RASGRF1: variants seen among roughly 807,000 people sequenced by gnomAD.
RASGRF1 encodes the protein ras-specific guanine nucleotide-releasing factor 1.
A neutral mutation model predicts 138.7 loss-of-function variants in RASGRF1; 40 were observed. The observed-to-expected ratio is 0.29, with a 90% CI of 0.22 to 0.38. The LOEUF is 0.38. RASGRF1 is among the 10% of genes least tolerant of loss of function. The pLI, the probability that RASGRF1 is intolerant of heterozygous loss-of-function variation, is 1.00. For missense variants in RASGRF1, 1,108 were observed against 1,650.4 expected (o/e 0.67, Z 5.69); for synonymous variants, 614 against 663.2 (o/e 0.93, Z 1.14).
intron 3 of RASGRF1, among the ~76,000 whole-genome samples, chr15:79,052,146 C>T (rs931553941): frequency 1.3e-5 from 2 of 152,164 alleles, no homozygotes; most frequent in African/African-American, 4.8e-5. Flanking sequence ...CCTGCCCACC[C>T]ACCACCCTCA....
chr15:79,002,246 G>A (rs528400059), intron 15 of RASGRF1, among the ~76,000 whole-genome samples: 19 of 151,966 alleles, frequency 1.3e-4, no homozygotes, highest in African/African-American at 4.1e-4. Flanking sequence ...ACCTATTGCC[G>A]CGTGCCCCTG....
intron 12 of RASGRF1, among the ~76,000 whole-genome samples, chr15:79,016,162 G>A (rs2056876372): frequency 6.6e-6 from 1 of 152,188 alleles, no homozygotes; most frequent in African/African-American, 2.4e-5. Context: ...TTTCTTCTTG[G>A]CATAGCGATA....
At chr15:79,017,628 A>T in intron 12 of RASGRF1, 142 bp downstream of exon 12, 1 of 1,109,100 alleles carries the variant, frequency 9.0e-7, no homozygotes, top group Non-Finnish European at 1.2e-6. Context: ...AGGGCTGTGG[A>T]CTTGGAAGAT....
rs561501437 is a variant in RASGRF1 at position 79,046,192 on chromosome 15, C to T, written c.878+554G>A. Among the ~76,000 whole-genome samples, 1 of 152,250 alleles carries T rather than the reference C, an allele frequency of 6.6e-6. No individual in the cohort carries two copies. The highest frequency in any genetic ancestry group is 2.1e-4 in the South Asian group (1 of 4,824). On this transcript the variant is annotated intron_variant, in intron 5 of 26. Transcript: ENST00000558480. This position sits in a 1 kb window ranked among gnomAD's most constrained non-coding sequence, Gnocchi z 5.3. Reference sequence around the variant, plus strand: ...GGTCCACAGCAGAACTCTAAGGCACCTGAGAATTCTAAGTTTCAACCTGGC... The same window carrying T: ...GGTCCACAGCAGAACTCTAAGGCACTTGAGAATTCTAAGTTTCAACCTGGC...
intron 24 of RASGRF1, chr15:78,980,311 A>C: frequency 4.3e-6 from 1 of 229,936 alleles, no homozygotes; most frequent in Non-Finnish European, 8.4e-6. Flanking sequence ...AAAATGTGAA[A>C]AGAAAACGTG....
chr15:79,018,657 T>C (rs2056915294), intron 11 of RASGRF1, among the ~76,000 whole-genome samples: 2 of 152,182 alleles, frequency 1.3e-5, no homozygotes, highest in Admixed American at 1.3e-4. Flanking sequence ...GAGTGGGACT[T>C]GATTTCTCTG....
intron 12 of RASGRF1, among the ~76,000 whole-genome samples, chr15:79,016,803 A>G (rs1033888914): frequency 3.9e-5 from 6 of 152,136 alleles, no homozygotes; most frequent in African/African-American, 1.4e-4. Context: ...AGGGGCACAA[A>G]ACCAAGAAGG....
At chr15:79,018,819 G>T (rs929695885) in intron 11 of RASGRF1, among the ~76,000 whole-genome samples, 3 of 152,152 alleles carry the variant, frequency 2.0e-5, no homozygotes, top group Admixed American at 6.5e-5. Flanking sequence ...TTGTGGCCAG[G>T]ATCCCACCTC....
At chr15:79,048,510 T>C (rs1253063402) in intron 4 of RASGRF1, among the ~76,000 whole-genome samples, 1 of 152,204 alleles carries the variant, frequency 6.6e-6, no homozygotes, top group Non-Finnish European at 1.5e-5. Context: ...TAAATAAACC[T>C]CAGAGGATTT....
chr15:78,964,840 C>G (rs2055611905), intron 26 of RASGRF1, among the ~76,000 whole-genome samples: 1 of 152,080 alleles, frequency 6.6e-6, no homozygotes, highest in African/African-American at 2.4e-5. Context: ...TCTTAGAATA[C>G]AAAAGTACTT....
At chr15:79,033,867 G>A (rs1384769581) in intron 6 of RASGRF1, among the ~76,000 whole-genome samples, 4 of 152,170 alleles carry the variant, frequency 2.6e-5, no homozygotes, top group African/African-American at 9.7e-5. Flanking sequence ...TGGGATTAAA[G>A]GCATGAGTCA....
intron 2 of RASGRF1, among the ~76,000 whole-genome samples, chr15:79,062,491 T>C (rs775825039): frequency 5.9e-5 from 9 of 152,222 alleles, no homozygotes; most frequent in Non-Finnish European, 1.3e-4. Flanking sequence ...TATGGTCTGG[T>C]TGCAGCCCAT....
At chr15:78,977,400 C>T (rs1467677717) in intron 24 of RASGRF1, among the ~76,000 whole-genome samples, 1 of 151,972 alleles carries the variant, frequency 6.6e-6, no homozygotes, top group Admixed American at 6.6e-5. Flanking sequence ...GCACGAGGTA[C>T]AGGGTGATCA....
chr15:78,985,490 A>C, intron 22 of RASGRF1: 1 of 287,442 alleles, frequency 3.5e-6, no homozygotes, highest in East Asian at 6.8e-5. Context: ...AATGAGAACT[A>C]TGTAGGATGG....
intron 5 of RASGRF1, among the ~76,000 whole-genome samples, chr15:79,042,137 A>T (rs2141017918): frequency 6.6e-6 from 1 of 152,282 alleles, no homozygotes; most frequent in East Asian, 1.9e-4. Flanking sequence ...CCCCTATTTG[A>T]GAAGTACACA....
At chr15:78,970,705 A>G (rs575167928) in intron 26 of RASGRF1, among the ~76,000 whole-genome samples, 42 of 151,920 alleles carry the variant, frequency 2.8e-4, no homozygotes, top group Non-Finnish European at 5.2e-4. Context: ...GGGTTAGCAA[A>G]TCTGTTATTT....
At position 78,966,545 on chromosome 15, in the gene RASGRF1, C is replaced by G. The variant is rs144188311; in HGVS notation, c.3682-4309G>C. On this transcript the variant is annotated intron_variant, in intron 26 of 26. Coordinates refer to ENST00000558480, the MANE Select transcript of RASGRF1 (RefSeq NM_001145648.3). Reference sequence around the variant, plus strand: ...GAGAGCCACCGTGCCAGGCCCGGGACTATTTATTTTTAAATTGTATTTTTA... The same window carrying G: ...GAGAGCCACCGTGCCAGGCCCGGGAGTATTTATTTTTAAATTGTATTTTTA... 8.4e-3 allele frequency among the ~76,000 whole-genome samples: 1,277 copies of G among 151,952 alleles called. 11 individuals carry two copies. Among genetic ancestry groups the G allele is most frequent in the Middle Eastern group, 0.02 (6 of 294 alleles).
At chr15:79,009,866 A>G (rs1476712665) in intron 13 of RASGRF1, among the ~76,000 whole-genome samples, 4 of 151,796 alleles carry the variant, frequency 2.6e-5, no homozygotes, top group African/African-American at 9.7e-5. Flanking sequence ...CTGGGATTAC[A>G]GGTGCCCACC....
intron 20 of RASGRF1, among the ~76,000 whole-genome samples, chr15:78,993,825 G>A (rs534132796): frequency 1.3e-5 from 2 of 152,272 alleles, no homozygotes; most frequent in South Asian, 4.1e-4. Context: ...TCTGGCCAAG[G>A]TGGGGTGGTT....
Sources: allele counts gnomAD v4.1 joint callset (sites outside exome capture counted in the v4.1 genomes callset), GRCh38; gene constraint gnomAD v4.1.1; non-coding constraint Gnocchi (gnomAD v3.1); transcripts MANE v1.5; gene names NCBI Gene and HGNC (gene_info 2026-07-23, HGNC 2026-07-21).